Variants in SOX5 observed in about 807,000 individuals in gnomAD.
The protein encoded by SOX5 is transcription factor SOX-5.
SOX5 carries 9 observed loss-of-function variants against 92.0 expected under a neutral mutation model. The ratio of observed to expected loss-of-function variants is 0.10; its 90% CI spans 0.06 to 0.17. SOX5 has a LOEUF of 0.17. SOX5 is among the 10% of genes least tolerant of loss of function. SOX5 has a pLI of 1.00. For synonymous variants in SOX5, 344 were observed against 336.3 expected (o/e 1.02, Z -0.25); for missense variants, 642 against 944.5 (o/e 0.68, Z 4.20).
At chr12:23,822,083 T>G (rs1396945558) in intron 3 of SOX5, among the ~76,000 whole-genome samples, 2 of 152,314 alleles carry the variant, frequency 1.3e-5, no homozygotes, top group African/African-American at 2.4e-5. Context: ...AGCTCCTAGA[T>G]TCATTGATTT....
At chr12:23,909,763 C>G (rs112444128) in intron 1 of SOX5, among the ~76,000 whole-genome samples, 3 of 151,908 alleles carry the variant, frequency 2.0e-5, no homozygotes, top group Non-Finnish European at 4.4e-5. Flanking sequence ...GATAAAGAAG[C>G]CTTGATGGAG....
intron 2 of SOX5, among the ~76,000 whole-genome samples, chr12:24,311,154 A>G (rs568725317): frequency 6.6e-6 from 1 of 152,316 alleles, no homozygotes; most frequent in Non-Finnish European, 1.5e-5. Context: ...GGTGGGGAAT[A>G]TCATACAGAG....
At chr12:24,101,462 T>C (rs1266654062) in intron 4 of SOX5, among the ~76,000 whole-genome samples, 3 of 152,150 alleles carry the variant, frequency 2.0e-5, no homozygotes, top group Non-Finnish European at 4.4e-5. Flanking sequence ...TACAATTACC[T>C]TTTTTAACTT....
chr12:24,157,428 G>C (rs1430617604), intron 4 of SOX5, among the ~76,000 whole-genome samples: 2 of 152,062 alleles, frequency 1.3e-5, no homozygotes, highest in Admixed American at 1.3e-4. Context: ...CAAATGCAGA[G>C]AAACAAATAC....
chr12:23,963,101 A>G (rs560538158), intron 4 of SOX5, among the ~76,000 whole-genome samples: 1 of 152,270 alleles, frequency 6.6e-6, no homozygotes, highest in Non-Finnish European at 1.5e-5. Context: ...GGTTTAAAGA[A>G]AGCAAACAAA....
intron 1 of SOX5, among the ~76,000 whole-genome samples, chr12:24,401,708 TAAA>T (rs71063321): frequency 0.032 from 3,189 of 99,290 alleles, 74 homozygotes; most frequent in Non-Finnish European, 0.046. Flanking sequence ...ACCCTATCTT[TAAA>T]AAAAAAAAAA....
chr12:23,976,398 C>CAAAAAAAAAAAAAAAAAAAAAAAAAAAAA (rs139277769), intron 4 of SOX5, among the ~76,000 whole-genome samples: 1 of 106,776 alleles, frequency 9.4e-6, no homozygotes, highest in Non-Finnish European at 1.8e-5. Context: ...ATTAAAAAAA[C>CAAAAAAAAAAAAAAAAAAAAAAAAAAAAA]AAAAAAACAA....
At chr12:24,463,721 A>G (rs1314655550) in intron 1 of SOX5, among the ~76,000 whole-genome samples, 2 of 152,196 alleles carry the variant, frequency 1.3e-5, no homozygotes, top group African/African-American at 4.8e-5. Context: ...AAGATAGCAA[A>G]TTGATTTCTT....
At chr12:24,264,828 A>G (rs1340311348) in intron 3 of SOX5, among the ~76,000 whole-genome samples, 9 of 152,234 alleles carry the variant, frequency 5.9e-5, no homozygotes, top group Admixed American at 5.9e-4. Flanking sequence ...TCAAAAGTTG[A>G]ATATTACAAT....
At chr12:23,844,764 T>C (rs1244381898) in intron 3 of SOX5, among the ~76,000 whole-genome samples, 1 of 152,220 alleles carries the variant, frequency 6.6e-6, no homozygotes, top group African/African-American at 2.4e-5. Context: ...ATGTTTTATG[T>C]TTTTAAAATA....
intron 1 of SOX5, among the ~76,000 whole-genome samples, chr12:23,923,112 A>AT (rs1164317646): frequency 6.6e-6 from 1 of 151,920 alleles, no homozygotes; most frequent in African/African-American, 2.4e-5. Context: ...CGCCCGGCTA[A>AT]TTTTTTGTAT....
intron 11 of SOX5, among the ~76,000 whole-genome samples, chr12:23,555,046 A>G (rs1036080087): frequency 2.0e-5 from 3 of 152,292 alleles, no homozygotes; most frequent in African/African-American, 7.2e-5. Flanking sequence ...AGTGAGTCTT[A>G]CTTTACTTAT....
intron 2 of SOX5, among the ~76,000 whole-genome samples, chr12:24,362,542 A>G (rs547981765): frequency 4.6e-5 from 7 of 152,312 alleles, no homozygotes; most frequent in Admixed American, 1.3e-4. Flanking sequence ...AGCCTATAAA[A>G]TGGACGATAA....
At chr12:24,281,969 G>A (rs1338456308) in intron 2 of SOX5, among the ~76,000 whole-genome samples, 1 of 44,158 alleles carries the variant, frequency 2.3e-5, no homozygotes, top group Non-Finnish European at 4.8e-5. Context: ...TGCGATTTCC[G>A]GGGCATCACC....
chr12:24,045,239 C>A (rs966992886), intron 4 of SOX5, among the ~76,000 whole-genome samples: 47 of 152,148 alleles, frequency 3.1e-4, no homozygotes, highest in South Asian at 2.1e-4. Context: ...TTAGGTTATT[C>A]ATTTATAAAA....
intron 1 of SOX5, among the ~76,000 whole-genome samples, chr12:24,396,119 A>G (rs940227564): frequency 6.6e-6 from 1 of 152,192 alleles, no homozygotes; most frequent in African/African-American, 2.4e-5. Flanking sequence ...AAAAGGTACT[A>G]TTTTATTTTA....
chr12:23,611,049 G>A (rs141914942), intron 8 of SOX5, among the ~76,000 whole-genome samples: 11 of 152,158 alleles, frequency 7.2e-5, no homozygotes, highest in East Asian at 3.9e-4. Context: ...TAGGAGTTAC[G>A]GTTGCTGGTA....
intron 13 of SOX5, among the ~76,000 whole-genome samples, chr12:23,537,263 C>T (rs1203791757): frequency 6.6e-6 from 1 of 152,074 alleles, no homozygotes; most frequent in Non-Finnish European, 1.5e-5. Flanking sequence ...TGTGCTGAAA[C>T]CTTGACATAC....
intron 4 of SOX5, among the ~76,000 whole-genome samples, chr12:24,004,619 A>T (rs938582754): frequency 1.3e-5 from 2 of 152,150 alleles, no homozygotes; most frequent in African/African-American, 2.4e-5. Flanking sequence ...AGACAATAAC[A>T]AACCTTGGCT....
Sources: allele counts gnomAD v4.1 joint callset (sites outside exome capture counted in the v4.1 genomes callset), GRCh38; gene constraint gnomAD v4.1.1; transcripts MANE v1.5; gene names NCBI Gene and HGNC (gene_info 2026-07-23, HGNC 2026-07-21).